USH2A: variants seen among roughly 807,000 people sequenced by gnomAD.
USH2A encodes the protein usherin.
A neutral mutation model predicts 538.9 loss-of-function variants in USH2A; 443 were observed. That is an observed-to-expected ratio of 0.82 (90% CI 0.76 to 0.89). The LOEUF is 0.89. Among genes scored for constraint, USH2A ranks in the 40% least tolerant of loss-of-function variants. The pLI is 0.00. For synonymous variants in USH2A, 2,413 were observed against 2,273.5 expected (o/e 1.06, Z -1.75); for missense variants, 6,633 against 6,324.8 (o/e 1.05, Z -1.65).
intron 21 of USH2A, among the ~76,000 whole-genome samples, chr1:216,147,416 A>G (rs1282605901): frequency 8.5e-5 from 13 of 152,132 alleles, no homozygotes; most frequent in Non-Finnish European, 1.9e-4. Context: ...AGTCAAGGTT[A>G]ATGCTCCTTT....
intron 16 of USH2A, among the ~76,000 whole-genome samples, chr1:216,206,190 A>G (rs896164708): frequency 6.6e-6 from 1 of 152,194 alleles, no homozygotes; most frequent in Admixed American, 6.5e-5. Flanking sequence ...TAATATTTAC[A>G]ATTAGAGAAA....
At chr1:216,354,408 C>A (rs1197851832) in intron 4 of USH2A, among the ~76,000 whole-genome samples, 2 of 152,052 alleles carry the variant, frequency 1.3e-5, no homozygotes, top group Non-Finnish European at 2.9e-5. Context: ...GAAGGAGATG[C>A]AGACATGGCC....
rs2031510445 is a variant in USH2A, at chr1:216,070,160, G to A, written c.5990C>T (p.Thr1997Ile). 1.9e-6 allele frequency: 3 copies of A among 1,613,978 alleles called. No individual in the cohort carries two copies. In the East Asian group the frequency reaches 6.7e-5, roughly 36 times the overall value. ...YILKAYSEDS[T>I]RPPRMPSASA... Reference sequence around the variant, plus strand: ...GGCAGAGGGCATGCGGGGTGGACGGGTGCTGTCCTCACTATAGGCTTTCAG... The same window carrying A: ...GGCAGAGGGCATGCGGGGTGGACGGATGCTGTCCTCACTATAGGCTTTCAG... The change falls in exon 30 of 72, where the codon ACC (threonine) becomes ATC (isoleucine). Residue 1997 changes from threonine (T) to isoleucine (I), a missense_variant. Coordinates refer to ENST00000307340, the MANE Select transcript of USH2A (RefSeq NM_206933.4).
intron 43 of USH2A, among the ~76,000 whole-genome samples, chr1:215,875,218 G>A (rs1664732113): frequency 6.6e-6 from 1 of 152,138 alleles, no homozygotes; most frequent in Admixed American, 6.5e-5. Flanking sequence ...ACTTATAAAG[G>A]GTAGAGGGCT....
intron 3 of USH2A, among the ~76,000 whole-genome samples, chr1:216,386,371 C>T (rs1342902549): frequency 2.0e-5 from 3 of 150,836 alleles, no homozygotes; most frequent in Non-Finnish European, 4.4e-5. Flanking sequence ...GTGGCGGGCG[C>T]CTGTAGTCCA....
At chr1:215,915,796 A>C (rs7419141) in intron 38 of USH2A, among the ~76,000 whole-genome samples, 6,124 of 151,916 alleles carry the variant, frequency 0.04, 129 homozygotes, top group Middle Eastern at 0.088. Context: ...CCAAATGTCC[A>C]ACAATGATAG....
intron 21 of USH2A, among the ~76,000 whole-genome samples, chr1:216,107,740 T>C (rs1461718382): frequency 5.9e-5 from 9 of 151,466 alleles, no homozygotes. Context: ...CCCTACCTTG[T>C]TATGGATTAG....
intron 64 of USH2A, among the ~76,000 whole-genome samples, chr1:215,661,196 TC>T (rs1657425536): frequency 6.6e-6 from 1 of 152,158 alleles, no homozygotes; most frequent in Non-Finnish European, 1.5e-5. Flanking sequence ...AGCTGGTTTT[TC>T]CCCAGATCCA....
chr1:215,680,562 A>C (rs753071210), intron 61 of USH2A, among the ~76,000 whole-genome samples, 186 bp from the exon 62 acceptor site: 1 of 152,132 alleles, frequency 6.6e-6, no homozygotes, highest in Non-Finnish European at 1.5e-5. Flanking sequence ...GACACCGTGA[A>C]TATATTACCC....
rs538594188 is a variant in USH2A at position 216,332,992 on chromosome 1, A to G, written c.785-5338T>C. On this transcript the variant is annotated intron_variant, in intron 4 of 71. Coordinates refer to ENST00000307340, the MANE Select transcript of USH2A (RefSeq NM_206933.4). ...AAAAATGGGCAATGGAAATGGGTCA[A>G]TTGTAAGCTCATACATTAAACTTAC... is the stretch of plus-strand genomic sequence containing the variant. 3.9e-5 allele frequency among the ~76,000 whole-genome samples: 6 copies of G among 152,298 alleles called. No homozygotes were observed. In the South Asian group the frequency reaches 8.3e-4, roughly 21 times the overall value.
In USH2A at chr1:215,846,037, T is replaced by C. The variant is rs746090216; in HGVS notation, c.8846-4A>G. The C allele has an allele frequency of 6.2e-6, 10 of 1,613,120 alleles. No individual in the cohort carries two copies. In the East Asian group the frequency reaches 2.0e-4, roughly 32 times the overall value. ...TCACCTTGTAGGTCTTGAACAGCTG[T>C]CAACAATAAATGCAGGACATGGTGA... On this transcript the variant is annotated splice_region_variant and splice_polypyrimidine_tract_variant and intron_variant, in intron 44 of 71. Transcript: ENST00000307340.
chr1:215,782,230 G>A (rs1292758689), intron 53 of USH2A, 34 bp from the exon 54 acceptor site: 3 of 1,607,748 alleles, frequency 1.9e-6, no homozygotes, highest in Non-Finnish European at 2.6e-6. Context: ...GCATTTGAAT[G>A]TGATATCATT....
intron 61 of USH2A, among the ~76,000 whole-genome samples, chr1:215,686,572 A>G (rs1186867901): frequency 1.3e-5 from 2 of 152,088 alleles, no homozygotes; most frequent in Admixed American, 1.3e-4. Flanking sequence ...TTTGAACTGC[A>G]TTTGTTAGGA....
At chr1:216,152,804 C>T (rs988498414) in intron 21 of USH2A, among the ~76,000 whole-genome samples, 1 of 152,206 alleles carries the variant, frequency 6.6e-6, no homozygotes. Flanking sequence ...TGGAAACCCA[C>T]AGCCCTAAAT....
chr1:216,149,345 G>A (rs566155768), intron 21 of USH2A, among the ~76,000 whole-genome samples: 3 of 152,168 alleles, frequency 2.0e-5, no homozygotes, highest in African/African-American at 7.2e-5. Context: ...GTCTGATAAC[G>A]GACCAGCCTT....
intron 37 of USH2A, among the ~76,000 whole-genome samples, chr1:215,944,857 C>A (rs964747833): frequency 6.6e-6 from 1 of 152,050 alleles, no homozygotes; most frequent in African/African-American, 2.4e-5. Flanking sequence ...GAAACATCCC[C>A]TTCCAATGGA....
intron 35 of USH2A, among the ~76,000 whole-genome samples, chr1:215,979,932 G>C (rs577123534): frequency 6.6e-6 from 1 of 152,212 alleles, no homozygotes; most frequent in Non-Finnish European, 1.5e-5. Flanking sequence ...TGATGGAATT[G>C]TTCTGTGTCT....
intron 35 of USH2A, among the ~76,000 whole-genome samples, chr1:215,991,776 T>C (rs1464242276): frequency 6.6e-6 from 1 of 152,186 alleles, no homozygotes; most frequent in Non-Finnish European, 1.5e-5. Context: ...TATTAACCAA[T>C]TGGGATGAAG....
intron 47 of USH2A, among the ~76,000 whole-genome samples, chr1:215,828,960 A>G (rs1663238037): frequency 6.6e-6 from 1 of 152,194 alleles, no homozygotes; most frequent in Non-Finnish European, 1.5e-5. Flanking sequence ...ATCTTCATCC[A>G]GGTCAGTCTC....
Sources: gnomAD v4.1 joint callset for allele counts (sites outside exome capture counted in the v4.1 genomes callset) on GRCh38, gnomAD v4.1.1 for gene constraint, MANE v1.5 for transcripts, NCBI Gene and HGNC (gene_info 2026-07-23, HGNC 2026-07-21) for gene names.